TMC8: variants seen among roughly 807,000 people sequenced by gnomAD.
TMC8 encodes the protein transmembrane channel like 8, also known as transmembrane channel-like protein 8.
A neutral mutation model predicts 76.0 loss-of-function variants in TMC8; 71 were observed. The observed-to-expected ratio is 0.93, with a 90% CI of 0.77 to 1.14. The LOEUF (loss-of-function observed/expected upper bound fraction) is 1.14, where lower values mean the gene tolerates loss of function less well. Ranked by LOEUF, TMC8 falls within the 50% of genes most tolerant of loss-of-function variation. The pLI is 0.00. For synonymous variants in TMC8, 433 were observed against 433.8 expected (o/e 1.00, Z 0.02); for missense variants, 924 against 947.9 (o/e 0.97, Z 0.33).
intron 3 of TMC8, 127 bp downstream of exon 3, chr17:78,132,157 C>A: frequency 6.9e-7 from 1 of 1,449,968 alleles, no homozygotes; most frequent in South Asian, 1.2e-5. Flanking sequence ...GCCCCTCCCC[C>A]CTCCCACCCC....
chr17:78,138,314 C>G (rs374168693), intron 12 of TMC8, 35 bp from the exon 13 acceptor site: 1 of 1,610,876 alleles, frequency 6.2e-7, no homozygotes, highest in African/African-American at 1.3e-5. Context: ...CTGCATAACT[C>G]GCTGACTCCT....
In TMC8 at chr17:78,134,545, A is replaced by G. The variant is rs530521432; in HGVS notation, c.968A>G (p.Tyr323Cys). ...AGCGCCATCTTCTGGGCTACCAAGTACTCACAGGACAACAAGGAGGTGTCA... is the reference window on the plus strand; with the variant it reads ...AGCGCCATCTTCTGGGCTACCAAGTGCTCACAGGACAACAAGGAGGTGTCA... ...AISAIFWATK[Y>C]SQDNKEESLF... is the part of the protein sequence containing the mutation. Residue 323 changes from tyrosine to cysteine, a missense_variant, in exon 8 of 16, where the codon TAC becomes TGC. Tyr to Cys is a radical substitution (Grantham distance 194, BLOSUM62 -2). Coordinates refer to ENST00000318430, the MANE Select transcript of TMC8 (RefSeq NM_152468.5). 1.2e-6 allele frequency: 2 copies of G among 1,614,038 alleles called. No individual in the cohort carries two copies. The highest frequency in any genetic ancestry group is 2.7e-5 in the African/African-American group (2 of 75,016).
At position 78,138,462 on chromosome 17, in the gene TMC8, G is replaced by A. The variant is rs2075292655; in HGVS notation, c.1647G>A (p.Leu549=). Residue 549 remains leucine, a synonymous_variant, in exon 13 of 16, where the codon CTG becomes CTA. Transcript: ENST00000318430. Reference sequence around the variant, plus strand: ...GCCTGCTTCTGGCTGCAGTGCCCCTGGGCTATGTGGTCAGCAGGTGAGGGG... The same window carrying A: ...GCCTGCTTCTGGCTGCAGTGCCCCTAGGCTATGTGGTCAGCAGGTGAGGGG... ...LLGLLLAAVP[L]GYVVSSIHSS... is the part of the protein sequence containing the mutation. 5 of 1,613,292 alleles carry A rather than the reference G, an allele frequency of 3.1e-6. No individual in the cohort carries two copies. The highest frequency in any genetic ancestry group is 4.2e-6 in the Non-Finnish European group (5 of 1,179,998).
intron 3 of TMC8, 90 bp downstream of exon 3, chr17:78,132,120 C>A (rs2075007909): frequency 8.5e-6 from 13 of 1,521,280 alleles, no homozygotes; most frequent in Non-Finnish European, 1.1e-5. Context: ...ATCCCACCTG[C>A]CTTCACCCGG....
rs749790243 is a variant in TMC8 at position 78,134,827 on chromosome 17, G to GC, written c.988-37dup. The GC allele has an allele frequency of 9.6e-5, 155 of 1,610,934 alleles. 1 individual carries two copies. The South Asian group carries it at 1.4e-3, about 14-fold the overall frequency. On this transcript the variant is annotated intron_variant, in intron 8 of 15. Coordinates refer to ENST00000318430, the MANE Select transcript of TMC8 (RefSeq NM_152468.5). ...TGTGGGGGGCGGGGAGCAGACAGGG[G>GC]CCCCCCAGCACGCGGGCTCCCCTGA... is the stretch of plus-strand genomic sequence containing the variant.
chr17:78,137,997 C>T lies in TMC8; in HGVS notation c.1350-8C>T, dbSNP rs78508365. 8.7e-4 allele frequency: 1,409 copies of T among 1,613,790 alleles called. 14 individuals are homozygous for T. In the African/African-American group the frequency reaches 0.016, roughly 19 times the overall value. On this transcript the variant is annotated splice_region_variant and splice_polypyrimidine_tract_variant and intron_variant, in intron 11 of 15. Coordinates refer to ENST00000318430, the MANE Select transcript of TMC8 (RefSeq NM_152468.5). ...GTGGTGAGTACCTGGACCCTCCCAT[C>T]CCTGCAGGCTGCTGGTGGACCGGTT...
At chr17:78,139,360 T>C in intron 15 of TMC8, 120 bp downstream of exon 15, 3 of 1,129,792 alleles carry the variant, frequency 2.7e-6, no homozygotes, top group Non-Finnish European at 3.9e-6. Flanking sequence ...CTGGAGGGCG[T>C]GGCCTCAGGC....
intron 4 of TMC8, 27 bp downstream of exon 4, chr17:78,132,535 T>C (rs756613797): frequency 1.3e-6 from 2 of 1,599,384 alleles, no homozygotes; most frequent in South Asian, 2.2e-5. Flanking sequence ...CCAGGGGAAG[T>C]GCTCCGGTGC....
Position 78,142,499 on chromosome 17 carries a change from G to GCCGTC in TMC8, c.*1389_*1393dup, listed in dbSNP as rs1476408443. 1 of 152,368 alleles carries GCCGTC rather than the reference G, an allele frequency of 6.6e-6. No homozygotes were observed. The highest frequency in any genetic ancestry group is 1.5e-5 in the Non-Finnish European group (1 of 68,142). 9.4% of individuals were successfully genotyped at this position (152,368 alleles called of 1,614,324 possible). On this transcript the variant is annotated 3_prime_UTR_variant, in exon 16 of 16. Coordinates refer to ENST00000318430, the MANE Select transcript of TMC8 (RefSeq NM_152468.5). ...CTTGGCCAGTTCCGCCTCTCCCACG[G>GCCGTC]CCGTCCTTGTCTCACCCAGCATCAC...
At position 78,133,429 on chromosome 17, in the gene TMC8, CTACGGTGCG is replaced by C; in HGVS notation, c.559_567del (p.Gly187_Tyr189del). The C allele has an allele frequency of 6.2e-7, 1 of 1,613,856 alleles. No homozygotes were observed. The highest frequency in any genetic ancestry group is 8.5e-7 in the Non-Finnish European group (1 of 1,180,030). On this transcript the variant is annotated inframe_deletion, in exon 6 of 16. Transcript: ENST00000318430. ...AGGCCTTCACCAACACCTATCTCTT[CTACGGTGCG>C]TACCGAGTGGGGCCGGAGAGCAGCT... is the stretch of plus-strand genomic sequence containing the variant.
At position 78,138,652 on chromosome 17, in the gene TMC8, TG is replaced by T. The variant is rs1598923748; in HGVS notation, c.1746del (p.Leu583SerfsTer29). The stretch of plus-strand genomic sequence containing the variant: ...AAGTGGTCCCGGAGCTGGTGGCCCT[TG>T]GGCTCCCGCCCATTGGCCAGCGTGC... ...WQVVPELVAL[G>X]LPPIGQRALH... On this transcript the variant is annotated frameshift_variant, in exon 14 of 16. Coordinates refer to ENST00000318430, the MANE Select transcript of TMC8 (RefSeq NM_152468.5). LOFTEE classifies it high-confidence loss of function. 1 of 1,613,858 alleles carries T rather than the reference TG, an allele frequency of 6.2e-7. No homozygotes were observed. The highest frequency in any genetic ancestry group is 1.7e-5 in the Admixed American group (1 of 60,026).
intron 1 of TMC8, 188 bp from the exon 2 acceptor site, chr17:78,131,091 CTG>C (rs1044583405): frequency 2.9e-5 from 6 of 206,700 alleles, no homozygotes; most frequent in Non-Finnish European, 6.0e-5. Context: ...GTCCCAGGAA[CTG>C]TGGGGTTTGG....
rs1251055517 is a variant in TMC8 at position 78,134,079 on chromosome 17, G to A, written c.816+79G>A. On this transcript the variant is annotated intron_variant, in intron 7 of 15. Transcript: ENST00000318430. ...AGTGCGTGAGAGCCACGTGTTCCAG[G>A]TGTGTGCGAGCAAGTGCGACCGTGC... 3.1e-6 allele frequency: 5 copies of A among 1,602,060 alleles called. No homozygotes were observed. In the Admixed American group the frequency reaches 8.3e-5, roughly 27 times the overall value.
rs910013444 is a variant in TMC8 at position 78,138,399 on chromosome 17, C to T, written c.1584C>T (p.Ser528=). ...CATCTTCGCGGCCCTTCCGTGCCTC[C>T]AGCTCCACCTTCTTCTTCCAGCTAG... The part of the protein sequence containing the change: ...SRASSRPFRA[S]SSTFFFQLVL... The change falls in exon 13 of 16, where the codon TCC becomes TCT. Residue 528 remains serine (S), a synonymous_variant. Transcript: ENST00000318430. 17 of 1,612,378 alleles carry T rather than the reference C, an allele frequency of 1.1e-5. No homozygotes were observed. The highest frequency in any genetic ancestry group is 1.7e-5 in the Admixed American group (1 of 60,014).
intron 9 of TMC8, among the ~76,000 whole-genome samples, chr17:78,136,351 T>C (rs973733474): frequency 6.6e-6 from 1 of 151,834 alleles, no homozygotes; most frequent in African/African-American, 2.4e-5. Context: ...GGACACACAG[T>C]CCTAGCTACT....
chr17:78,136,891 G>A (rs1024973939), intron 9 of TMC8: 1 of 351,894 alleles, frequency 2.8e-6, no homozygotes, highest in African/African-American at 2.1e-5. Context: ...GCGAAACCCT[G>A]TCTGTACTCA....
intron 15 of TMC8, among the ~76,000 whole-genome samples, chr17:78,140,228 G>A (rs1047642024): frequency 1.3e-5 from 2 of 152,106 alleles, no homozygotes; most frequent in Non-Finnish European, 2.9e-5. Flanking sequence ...GGAGGCTGAG[G>A]TGGGAAGATC....
rs1197114833 is a variant in TMC8 at position 78,131,646 on chromosome 17, G to T, written c.58G>T (p.Glu20Ter). 1.9e-6 allele frequency: 3 copies of T among 1,559,934 alleles called. No individual in the cohort carries two copies. Among genetic ancestry groups the T allele is most frequent in the Non-Finnish European group, 2.6e-6 (3 of 1,153,254 alleles). ...GGCCCCTGGGGTGCCGGAGCCGGAG[G>T]AGCTGTGGGAGGCAGAGATGGAGCG... ...ERAPGVPEPE[E>*]LWEAEMERLR... Residue 20 changes from glutamate to a stop codon, truncating the protein, a stop_gained, in exon 2 of 16, where the codon GAG becomes TAG. Transcript: ENST00000318430. LOFTEE classifies it high-confidence loss of function.
In TMC8 at chr17:78,138,680, C is replaced by T. The variant is rs1365629172; in HGVS notation, c.1771C>T (p.Leu591Phe). ...GCTCCCGCCCATTGGCCAGCGTGCC[C>T]TCCACTACCTGGGCTCCCACGCCTT... ...LGLPPIGQRA[L>F]HYLGSHAFSF... The change falls in exon 14 of 16, where the codon CTC (leucine) becomes TTC (phenylalanine). Residue 591 changes from leucine to phenylalanine, a missense_variant. By Grantham distance (22) the Leu-to-Phe change is conservative. Transcript: ENST00000318430. The T allele has an allele frequency of 6.8e-6, 11 of 1,613,440 alleles. No individual in the cohort carries two copies. Among genetic ancestry groups the T allele is most frequent in the Non-Finnish European group, 9.3e-6 (11 of 1,180,032 alleles).
Sources: allele counts gnomAD v4.1 joint callset (sites outside exome capture counted in the v4.1 genomes callset), GRCh38; gene constraint gnomAD v4.1.1; transcripts MANE v1.5; gene names NCBI Gene and HGNC (gene_info 2026-07-23, HGNC 2026-07-21).